The following COLEC12 variants were observed in gnomAD, a reference collection of about 807,000 sequenced individuals.
COLEC12 encodes collectin subfamily member 12, also known as collectin-12.
Under a neutral mutation model 71.1 loss-of-function variants are expected in COLEC12, and 33 were observed. That is an observed-to-expected ratio of 0.46 (90% confidence interval 0.35 to 0.62). The LOEUF is 0.62. Among genes scored for constraint, COLEC12 ranks in the 20% least tolerant of loss-of-function variants. The pLI, the probability that COLEC12 is intolerant of heterozygous loss-of-function variation, is 0.00. For synonymous variants in COLEC12, 350 were observed against 353.0 expected (o/e 0.99, Z 0.10); for missense variants, 765 against 916.1 (o/e 0.84, Z 2.13).
chr18:484,387 T>C (rs902525268), intron 1 of COLEC12, among the ~76,000 whole-genome samples: 2 of 152,164 alleles, frequency 1.3e-5, no homozygotes, highest in Non-Finnish European at 2.9e-5. Context: ...CTGCTTCTCA[T>C]CTTAACCCTC....
intron 2 of COLEC12, among the ~76,000 whole-genome samples, chr18:469,612 C>G (rs1917154559): frequency 6.6e-6 from 1 of 152,202 alleles, no homozygotes; most frequent in Non-Finnish European, 1.5e-5. Context: ...AGGCCTGCAT[C>G]TCTTCCCCAA....
chr18:433,123 C>T (rs1407637062), intron 2 of COLEC12, among the ~76,000 whole-genome samples: 3 of 152,192 alleles, frequency 2.0e-5, no homozygotes, highest in South Asian at 4.1e-4. Context: ...TCTCTAAGTT[C>T]ATGGACTGTT....
In COLEC12 at chr18:409,212, G is replaced by T. The variant is rs575537824; in HGVS notation, c.59-51690C>A. On this transcript the variant is annotated intron_variant, in intron 2 of 9. Coordinates refer to ENST00000400256, the MANE Select transcript of COLEC12 (RefSeq NM_130386.3). ...TTCACAACTAAAAGAAAATTATCTG[G>T]CTATTCTGCATGCAAATGGTTTAGG... Among the ~76,000 whole-genome samples the T allele has an allele frequency of 2.6e-5, 4 of 152,266 alleles. No homozygotes were observed. In the Middle Eastern group the frequency reaches 0.014, roughly 518 times the overall value.
chr18:359,468 C>T (rs942289316), intron 2 of COLEC12, among the ~76,000 whole-genome samples: 1 of 152,078 alleles, frequency 6.6e-6, no homozygotes, highest in Non-Finnish European at 1.5e-5. Context: ...GTTATCACAG[C>T]GATTTGAATA....
At chr18:450,877 T>C (rs72865614) in intron 2 of COLEC12, among the ~76,000 whole-genome samples, 2,839 of 152,018 alleles carry the variant, frequency 0.019, 60 homozygotes, top group Non-Finnish European at 0.023. Context: ...AGGTCTCAGA[T>C]GCAAATAAGG....
chr18:350,062 G>A (rs1369571998), intron 3 of COLEC12, among the ~76,000 whole-genome samples: 2 of 152,318 alleles, frequency 1.3e-5, no homozygotes, highest in East Asian at 1.9e-4. Context: ...GTTTTGAAAC[G>A]TGAGGACATG....
intron 1 of COLEC12, among the ~76,000 whole-genome samples, chr18:488,192 C>T (rs547115130): frequency 4.6e-5 from 7 of 152,166 alleles, no homozygotes; most frequent in African/African-American, 1.7e-4. Flanking sequence ...AGGTGGATCA[C>T]TTGAGGTCAT....
At chr18:359,669 T>G (rs1366547702) in intron 2 of COLEC12, among the ~76,000 whole-genome samples, 1 of 152,228 alleles carries the variant, frequency 6.6e-6, no homozygotes, top group East Asian at 1.9e-4. Context: ...AGACAAAGAC[T>G]GTGGATGTTT....
chr18:392,732 A>G (rs1470619819), intron 2 of COLEC12, among the ~76,000 whole-genome samples: 2 of 152,246 alleles, frequency 1.3e-5, no homozygotes, highest in Admixed American at 6.5e-5. Flanking sequence ...CCTAGAGTTC[A>G]CAGCAAGACA....
chr18:384,210 G>C (rs1752457846), intron 2 of COLEC12, among the ~76,000 whole-genome samples: 1 of 152,044 alleles, frequency 6.6e-6, no homozygotes, highest in South Asian at 2.1e-4. Context: ...TGTTATATCA[G>C]GGTCTCTGCT....
chr18:474,332 T>A (rs1302317271), intron 2 of COLEC12, among the ~76,000 whole-genome samples: 2 of 152,322 alleles, frequency 1.3e-5, no homozygotes, highest in South Asian at 2.1e-4. Flanking sequence ...ACCTGGCACA[T>A]AATAGATATC....
At chr18:473,289 G>A (rs1917237825) in intron 2 of COLEC12, among the ~76,000 whole-genome samples, 1 of 152,174 alleles carries the variant, frequency 6.6e-6, no homozygotes. Flanking sequence ...GAGGATCGTA[G>A]TTTTTTCTCA....
At chr18:448,408 A>C (rs1448903907) in intron 2 of COLEC12, among the ~76,000 whole-genome samples, 1 of 152,220 alleles carries the variant, frequency 6.6e-6, no homozygotes, top group Non-Finnish European at 1.5e-5. Context: ...CAGTGTAAAC[A>C]TGTTGACTTC....
intron 2 of COLEC12, among the ~76,000 whole-genome samples, chr18:383,593 T>C (rs1039555656): frequency 1.3e-5 from 2 of 152,116 alleles, no homozygotes; most frequent in Admixed American, 6.5e-5. Flanking sequence ...GAAACAACCA[T>C]GAGTTTTAGC....
At chr18:494,224 A>C (rs1484907312) in intron 1 of COLEC12, among the ~76,000 whole-genome samples, 1 of 152,210 alleles carries the variant, frequency 6.6e-6, no homozygotes, top group Admixed American at 6.5e-5. Flanking sequence ...GTCTGTTTTA[A>C]CACATTTGCA....
At chr18:367,289 TGTG>T (rs1914876765) in intron 2 of COLEC12, among the ~76,000 whole-genome samples, 1 of 152,082 alleles carries the variant, frequency 6.6e-6, no homozygotes. Flanking sequence ...TGTCGGGGCA[TGTG>T]AAAATTATGC....
chr18:401,964 G>C (rs1468093670), intron 2 of COLEC12, among the ~76,000 whole-genome samples: 1 of 152,196 alleles, frequency 6.6e-6, no homozygotes, highest in Non-Finnish European at 1.5e-5. Context: ...TAAGACAGCA[G>C]AAAACGTGAT....
At chr18:414,361 G>A (rs1452436250) in intron 2 of COLEC12, among the ~76,000 whole-genome samples, 6 of 152,068 alleles carry the variant, frequency 3.9e-5, no homozygotes, top group African/African-American at 9.7e-5. Flanking sequence ...AGGCCGAGGC[G>A]GGTGGATCAC....
At chr18:398,952 G>A (rs1915624729) in intron 2 of COLEC12, among the ~76,000 whole-genome samples, 1 of 152,118 alleles carries the variant, frequency 6.6e-6, no homozygotes, top group African/African-American at 2.4e-5. Context: ...GAAGGAAAGA[G>A]GGAATTAAAA....
Sources: allele counts gnomAD v4.1 joint callset (sites outside exome capture counted in the v4.1 genomes callset), GRCh38; gene constraint gnomAD v4.1.1; transcripts MANE v1.5; gene names NCBI Gene and HGNC (gene_info 2026-07-23, HGNC 2026-07-21).